The following PCDHGA9 variants were observed in gnomAD, a reference collection of about 807,000 sequenced individuals.
PCDHGA9 encodes protocadherin gamma-A9.
PCDHGA9 carries 37 observed loss-of-function variants against 62.5 expected under a neutral mutation model. The observed-to-expected ratio is 0.59, with a 90% CI of 0.46 to 0.78. PCDHGA9 has a LOEUF of 0.78. Ranked by LOEUF, PCDHGA9 falls within the 30% of genes least tolerant of loss-of-function variation. PCDHGA9 has a pLI of 0.00. For missense variants in PCDHGA9, 1,138 were observed against 1,166.2 expected, an observed-to-expected ratio of 0.98 and a Z score of 0.35; for synonymous variants, 459 against 484.6, an observed-to-expected ratio of 0.95 and a Z score of 0.69.
chr5:141,410,517 C>A, intron 1 of PCDHGA9: 1 of 1,613,926 alleles, frequency 6.2e-7, no homozygotes, highest in Non-Finnish European at 8.5e-7. Context: ...TGCAGTGTGC[C>A]CCTACATTCC....
In PCDHGA9 at chr5:141,432,961, A is replaced by T. The variant is rs1457416543; in HGVS notation, c.2424+27585A>T. The T allele has an allele frequency of 1.5e-5, 25 of 1,613,952 alleles. 1 individual carries two copies. The South Asian group carries it at 2.3e-4, about 15-fold the overall frequency. ...AGGCTTCAGGAGGCGGCTTGACAGG[A>T]GCGCCGGCGTCGCACTTTGTGGGCG... On this transcript the variant is annotated intron_variant, in intron 1 of 3. Coordinates refer to ENST00000573521, the MANE Select transcript of PCDHGA9 (RefSeq NM_018921.3). This position sits in a 1 kb window ranked among gnomAD's most constrained non-coding sequence, Gnocchi z 6.0.
rs149314216 is a variant in PCDHGA9, at chr5:141,487,041, G to A, written c.2425-7766G>A. 2.1e-3 allele frequency: 3,442 copies of A among 1,614,128 alleles called. 3 individuals carry two copies. Among genetic ancestry groups the A allele is most frequent in the Non-Finnish European group, 2.7e-3 (3,235 of 1,180,026 alleles). ...GATCCCAGCCTGTTTGCAGTCTCTC[G>A]ATATGCTGGGGAGGTGCGGACGGCT... On this transcript the variant is annotated intron_variant, in intron 1 of 3. Transcript: ENST00000573521. The surrounding 1 kb of genome is among the most constrained non-coding windows in gnomAD (Gnocchi z 5.0).
chr5:141,511,138 A>C lies in PCDHGA9; in HGVS notation c.2764A>C (p.Asn922His). 6.2e-7 allele frequency: 1 copy of C among 1,614,210 alleles called. No homozygotes were observed. ...DGKAPAGGNGNKKKSGKKEKK is the reference protein window; with the variant it reads ...DGKAPAGGNGHKKKSGKKEKK ...CAAGGCCCCAGCAGGTGGCAATGGCAACAAGAAGAAGTCGGGCAAGAAGGA... is the reference window on the plus strand; with the variant it reads ...CAAGGCCCCAGCAGGTGGCAATGGCCACAAGAAGAAGTCGGGCAAGAAGGA... Residue 922 changes from asparagine to histidine, a missense_variant, in exon 4 of 4, where the codon AAC becomes CAC. Transcript: ENST00000573521.
intron 1 of PCDHGA9, chr5:141,423,848 G>A: frequency 1.6e-6 from 2 of 1,277,462 alleles, no homozygotes; most frequent in Non-Finnish European, 2.0e-6. Flanking sequence ...TAATCTTTCA[G>A]AACGTTTTTG....
intron 1 of PCDHGA9, among the ~76,000 whole-genome samples, chr5:141,437,499 CA>C (rs2097890101): frequency 6.6e-6 from 1 of 152,076 alleles, no homozygotes; most frequent in African/African-American, 2.4e-5. Context: ...GATCACTTTT[CA>C]ATGAATTATA....
chr5:141,432,584 C>T lies in PCDHGA9; in HGVS notation c.2424+27208C>T, dbSNP rs762935149. The T allele has an allele frequency of 2.3e-5, 37 of 1,613,854 alleles. No individual in the cohort carries two copies. The highest frequency in any genetic ancestry group is 3.3e-4 in the Middle Eastern group (2 of 6,018). On this transcript the variant is annotated intron_variant, in intron 1 of 3. Coordinates refer to ENST00000573521, the MANE Select transcript of PCDHGA9 (RefSeq NM_018921.3). The surrounding 1 kb of genome is among the most constrained non-coding windows in gnomAD (Gnocchi z 6.0). ...GAACGCCTGGCTGTCCTACCGTCTG[C>T]TCAAGGCCAGCGAGCCGGGACTCTT...
At chr5:141,505,574 C>T (rs1275802375) in intron 3 of PCDHGA9, 93 bp downstream of exon 3, 13 of 1,593,636 alleles carry the variant, frequency 8.2e-6, no homozygotes, top group Non-Finnish European at 1.1e-5. Context: ...GGATGTCAAA[C>T]CTGTGTAGTT....
At chr5:141,466,325 C>T (rs1252026939) in intron 1 of PCDHGA9, among the ~76,000 whole-genome samples, 3 of 152,108 alleles carry the variant, frequency 2.0e-5, no homozygotes, top group African/African-American at 7.2e-5. Context: ...CACATGCTAC[C>T]ATGCCTGGAT....
intron 1 of PCDHGA9, chr5:141,419,774 C>T (rs2096431329): frequency 6.2e-7 from 1 of 1,613,902 alleles, no homozygotes; most frequent in Admixed American, 1.7e-5. Flanking sequence ...GGACTCGGTC[C>T]GCCAGCGCCT....
chr5:141,415,389 T>A lies in PCDHGA9; in HGVS notation c.2424+10013T>A, dbSNP rs1282535508. On this transcript the variant is annotated intron_variant, in intron 1 of 3. Transcript: ENST00000573521. ...AGGCTTCAGGAGGCGGCTTGACAGG[T>A]GTGTCCGGCTCGCACTTTGTGGGCG... 9.3e-6 allele frequency: 15 copies of A among 1,614,162 alleles called. No individual in the cohort carries two copies. The East Asian group carries it at 2.5e-4, about 26-fold the overall frequency.
chr5:141,432,918 A>C lies in PCDHGA9; in HGVS notation c.2424+27542A>C. ...CTGGCGCTCAGGCTGCGGCGCTGGC[A>C]CAAGTCACGCCTGCTGCAGGCTTCA... On this transcript the variant is annotated intron_variant, in intron 1 of 3. Coordinates refer to ENST00000573521, the MANE Select transcript of PCDHGA9 (RefSeq NM_018921.3). This position sits in a 1 kb window ranked among gnomAD's most constrained non-coding sequence, Gnocchi z 6.0. 1 of 1,614,128 alleles carries C rather than the reference A, an allele frequency of 6.2e-7. No homozygotes were observed. Among genetic ancestry groups the C allele is most frequent in the South Asian group, 1.1e-5 (1 of 91,082 alleles).
chr5:141,507,023 C>T (rs971356315), intron 3 of PCDHGA9: 16 of 152,348 alleles, frequency 1.1e-4, no homozygotes, highest in African/African-American at 2.4e-4. Flanking sequence ...AAGGCACTTG[C>T]CCCAGGGTCC....
In PCDHGA9 at chr5:141,404,165, T is replaced by G; in HGVS notation, c.1213T>G (p.Leu405Val). 6.2e-7 allele frequency: 1 copy of G among 1,613,246 alleles called. No individual in the cohort carries two copies. The highest frequency in any genetic ancestry group is 8.5e-7 in the Non-Finnish European group (1 of 1,179,506). Residue 405 changes from leucine (L) to valine (V), a missense_variant, in exon 1 of 4, where the codon TTG (leucine) becomes GTG (valine). Physicochemically the swap from Leu to Val is conservative, Grantham distance 32. Coordinates refer to ENST00000573521, the MANE Select transcript of PCDHGA9 (RefSeq NM_018921.3). ...TTCAGAAGAAGATTATTACAGATTG[T>G]TGACGGCCCAAATTCTTGACCGAGA... ...ENSEEDYYRL[L>V]TAQILDREKA...
At chr5:141,450,006 C>CTATTTTTTTTTTTT (rs70988802) in intron 1 of PCDHGA9, among the ~76,000 whole-genome samples, 1 of 132,966 alleles carries the variant, frequency 7.5e-6, no homozygotes, top group Non-Finnish European at 1.6e-5. Flanking sequence ...TGCCATGTCT[C>CTATTTTTTTTTTTT]TTTTTTTTTT....
chr5:141,435,073 G>A (rs535689336), intron 1 of PCDHGA9, among the ~76,000 whole-genome samples: 150 of 151,756 alleles, frequency 9.9e-4, no homozygotes, highest in Middle Eastern at 3.4e-3. Flanking sequence ...TGTGTAGACC[G>A]TCTGATAACA....
At chr5:141,510,579 C>T (rs2099881748) in intron 3 of PCDHGA9, among the ~76,000 whole-genome samples, 1 of 152,170 alleles carries the variant, frequency 6.6e-6, no homozygotes, top group Non-Finnish European at 1.5e-5. Flanking sequence ...CACTATTTTA[C>T]GTACCTGACA....
Position 141,477,918 on chromosome 5 carries a change from G to A in PCDHGA9, c.2425-16889G>A. 1 of 1,614,154 alleles carries A rather than the reference G, an allele frequency of 6.2e-7. No individual in the cohort carries two copies. Among genetic ancestry groups the A allele is most frequent in the Admixed American group, 1.7e-5 (1 of 60,026 alleles). ...GTGGTAGGCTGGGACGCGGATGCAG[G>A]GCACAATGCCTGGCTCTCCTACAGT... is the stretch of plus-strand genomic sequence containing the variant. On this transcript the variant is annotated intron_variant, in intron 1 of 3. Coordinates refer to ENST00000573521, the MANE Select transcript of PCDHGA9 (RefSeq NM_018921.3). The surrounding 1 kb of genome is among the most constrained non-coding windows in gnomAD (Gnocchi z 4.9).
rs922804811 is a variant in PCDHGA9 at position 141,432,794 on chromosome 5, G to A, written c.2424+27418G>A. On this transcript the variant is annotated intron_variant, in intron 1 of 3. Coordinates refer to ENST00000573521, the MANE Select transcript of PCDHGA9 (RefSeq NM_018921.3). This position sits in a 1 kb window ranked among gnomAD's most constrained non-coding sequence, Gnocchi z 6.0. ...AGTCCTGGCGGACCTCGGCAGCCTC[G>A]AGTCTCCAGCTAACTCTGAAACCTC... The A allele has an allele frequency of 3.7e-6, 6 of 1,614,138 alleles. No homozygotes were observed. Among genetic ancestry groups the A allele is most frequent in the Non-Finnish European group, 5.1e-6 (6 of 1,180,000 alleles).
rs1472816403 is a variant in PCDHGA9 at position 141,451,473 on chromosome 5, C to T, written c.2425-43334C>T. On this transcript the variant is annotated intron_variant, in intron 1 of 3. Transcript: ENST00000573521. ...TGTTAGCTTGAGGTCTACCTCAGTTCCTTGCCATGTGGACCTCCATAGGGC... is the reference window on the plus strand; with the variant it reads ...TGTTAGCTTGAGGTCTACCTCAGTTTCTTGCCATGTGGACCTCCATAGGGC... Among the ~76,000 whole-genome samples the T allele has an allele frequency of 2.0e-5, 3 of 152,218 alleles. No homozygotes were observed. In the East Asian group the frequency reaches 5.8e-4, roughly 29 times the overall value.
Sources: gnomAD v4.1 joint callset for allele counts (sites outside exome capture counted in the v4.1 genomes callset) on GRCh38, gnomAD v4.1.1 for gene constraint, Gnocchi (gnomAD v3.1) non-coding constraint, MANE v1.5 for transcripts, NCBI Gene and HGNC (gene_info 2026-07-23, HGNC 2026-07-21) for gene names.